The following MAP3K20 variants were observed in gnomAD, a reference collection of about 807,000 sequenced individuals.
MAP3K20 encodes the protein mitogen-activated protein kinase kinase kinase 20.
In MAP3K20, 40 loss-of-function variants were observed where a neutral mutation model predicts 85.7. That is an observed-to-expected ratio of 0.47 (90% CI 0.36 to 0.61). The LOEUF (loss-of-function observed/expected upper bound fraction) is 0.61, where lower values mean the gene tolerates loss of function less well. MAP3K20 is among the 20% of genes least tolerant of loss of function. MAP3K20 has a pLI of 0.00. For missense variants in MAP3K20, 817 were observed against 961.7 expected (o/e 0.85, Z 1.99); for synonymous variants, 325 against 327.7 (o/e 0.99, Z 0.09).
chr2:173,169,394 T>C (rs1689935240), intron 2 of MAP3K20, among the ~76,000 whole-genome samples: 1 of 152,130 alleles, frequency 6.6e-6, no homozygotes, highest in African/African-American at 2.4e-5. Flanking sequence ...CACATATTTG[T>C]TGGGCACATA....
intron 10 of MAP3K20, chr2:173,211,800 G>C (rs1027099592): frequency 6.6e-6 from 1 of 152,288 alleles, no homozygotes; most frequent in Non-Finnish European, 1.5e-5. Context: ...TGTAGTCCCA[G>C]CTACTTGGGA....
At position 173,182,959 on chromosome 2, in the gene MAP3K20, A is replaced by G. The variant is rs1690373101; in HGVS notation, c.349+4A>G. 1.9e-6 allele frequency: 3 copies of G among 1,600,476 alleles called. No individual in the cohort carries two copies. The highest frequency in any genetic ancestry group is 2.6e-6 in the Non-Finnish European group (3 of 1,173,226). On this transcript the variant is annotated splice_donor_region_variant and intron_variant, in intron 4 of 19. Coordinates refer to ENST00000375213, the MANE Select transcript of MAP3K20 (RefSeq NM_016653.3). ...TGGGCCACTGATGTAGCCAAAGGTAATAATATTTGGTATATTCTTATAGAA... is the reference window on the plus strand; with the variant it reads ...TGGGCCACTGATGTAGCCAAAGGTAGTAATATTTGGTATATTCTTATAGAA...
At chr2:173,255,058 G>C (rs1386281151) in intron 16 of MAP3K20, among the ~76,000 whole-genome samples, 1 of 152,146 alleles carries the variant, frequency 6.6e-6, no homozygotes, top group Non-Finnish European at 1.5e-5. Context: ...TCCTTCTGTA[G>C]CTACCTTCTT....
intron 2 of MAP3K20, among the ~76,000 whole-genome samples, chr2:173,117,494 G>A (rs1688158287): frequency 6.6e-6 from 1 of 151,952 alleles, no homozygotes; most frequent in Admixed American, 6.6e-5. Context: ...TGCCCAGGCT[G>A]GTCTCGAACT....
At chr2:173,245,302 C>T (rs1167160379) in intron 16 of MAP3K20, among the ~76,000 whole-genome samples, 2 of 152,086 alleles carry the variant, frequency 1.3e-5, no homozygotes, top group Admixed American at 1.3e-4. Flanking sequence ...TGGATGATGG[C>T]ACAAAGCGAG....
intron 7 of MAP3K20, among the ~76,000 whole-genome samples, chr2:173,195,604 A>G (rs957046578): frequency 6.6e-6 from 1 of 152,212 alleles, no homozygotes; most frequent in Non-Finnish European, 1.5e-5. Context: ...CTTCCTCAGT[A>G]AAGTTACTTT....
chr2:173,256,948 T>C (rs565816801), intron 16 of MAP3K20, among the ~76,000 whole-genome samples: 1 of 152,218 alleles, frequency 6.6e-6, no homozygotes, highest in South Asian at 2.1e-4. Context: ...GCCCAGGAAT[T>C]TGAGACCAGC....
In MAP3K20 at chr2:173,123,100, C is replaced by A. The variant is rs975833859; in HGVS notation, c.159+31910C>A. ...CATGATAAATCCACTACATTCCTAT[C>A]TCCTTAAACCTTTGGATTCCATCCT... On this transcript the variant is annotated intron_variant, in intron 2 of 19. Coordinates refer to ENST00000375213, the MANE Select transcript of MAP3K20 (RefSeq NM_016653.3). 2.0e-5 allele frequency among the ~76,000 whole-genome samples: 3 copies of A among 152,310 alleles called. No homozygotes were observed. The South Asian group carries it at 6.2e-4, about 32-fold the overall frequency.
rs1241328912 is a variant in MAP3K20 at position 173,205,120 on chromosome 2, AAAT to A, written c.744+1253_744+1255del. On this transcript the variant is annotated intron_variant, in intron 9 of 19. Transcript: ENST00000375213. ...TCTGTCTCAAAAAAAAAAAAAAAAAAAATAAATAAATAAAATAAAACATATTCT... is the reference window on the plus strand; with the variant it reads ...TCTGTCTCAAAAAAAAAAAAAAAAAAAAATAAATAAAATAAAACATATTCT... 2.5e-3 allele frequency among the ~76,000 whole-genome samples: 225 copies of A among 90,982 alleles called. 1 individual carries two copies. The highest frequency in any genetic ancestry group is 0.012 in the African/African-American group (192 of 15,836). 59.7% of individuals were successfully genotyped at this position (90,982 alleles called of 152,430 possible).
At position 173,075,986 on chromosome 2, in the gene MAP3K20, C is replaced by T. The variant is rs1202264983; in HGVS notation, c.-51C>T. Reference sequence around the variant, plus strand: ...TCCGCGCCCCCGGCTGCTGCTCACGCCCCGCCCGGGAGCCAGGTAGGGGTC... The same window carrying T: ...TCCGCGCCCCCGGCTGCTGCTCACGTCCCGCCCGGGAGCCAGGTAGGGGTC... On this transcript the variant is annotated 5_prime_UTR_variant, in exon 1 of 20. Transcript: ENST00000375213. 2 of 984,930 alleles carry T rather than the reference C, an allele frequency of 2.0e-6. No individual in the cohort carries two copies. The highest frequency in any genetic ancestry group is 2.4e-6 in the Non-Finnish European group (2 of 829,828). 61.0% of individuals were successfully genotyped at this position (984,930 alleles called of 1,614,324 possible).
intron 8 of MAP3K20, among the ~76,000 whole-genome samples, chr2:173,201,272 A>G (rs949555993): frequency 2.0e-5 from 3 of 152,118 alleles, no homozygotes; most frequent in African/African-American, 7.2e-5. Context: ...AAAGTAAACA[A>G]TGAACCTTTA....
rs1165992739 is a variant in MAP3K20 at position 173,219,807 on chromosome 2, A to G, written c.987+2557A>G. Among the ~76,000 whole-genome samples, 3 of 152,080 alleles carry G rather than the reference A, an allele frequency of 2.0e-5. No individual in the cohort carries two copies. The East Asian group carries it at 5.8e-4, about 29-fold the overall frequency. ...ATTGAGGCCAGGCGCAGTGGCTCAC[A>G]CCTGTAAACCCAGCACTTTGGGAGG... On this transcript the variant is annotated intron_variant, in intron 11 of 19. Transcript: ENST00000375213.
intron 3 of MAP3K20, among the ~76,000 whole-genome samples, chr2:173,170,250 T>G (rs955436608): frequency 7.9e-5 from 12 of 152,214 alleles, no homozygotes; most frequent in Non-Finnish European, 1.3e-4. Context: ...TTTCTTGAGC[T>G]ATTCATGTTG....
Position 173,182,948 on chromosome 2 carries a change from A to G in MAP3K20, c.342A>G (p.Val114=), listed in dbSNP as rs764534614. The part of the protein sequence containing the change: ...MDHIMTWATD[V]AKGMHYLHME... ...ACATTATGACCTGGGCCACTGATGT[A>G]GCCAAAGGTAATAATATTTGGTATA... The change falls in exon 4 of 20, where the codon GTA becomes GTG. Residue 114 remains valine (V), a synonymous_variant. Coordinates refer to ENST00000375213, the MANE Select transcript of MAP3K20 (RefSeq NM_016653.3). 1.2e-6 allele frequency: 2 copies of G among 1,605,260 alleles called. No individual in the cohort carries two copies. The highest frequency in any genetic ancestry group is 2.7e-5 in the African/African-American group (2 of 74,566).
At chr2:173,093,192 T>C (rs1687351910) in intron 2 of MAP3K20, among the ~76,000 whole-genome samples, 1 of 152,226 alleles carries the variant, frequency 6.6e-6, no homozygotes, top group Non-Finnish European at 1.5e-5. Context: ...TTATGCTTTA[T>C]GAAATGTGTG....
chr2:173,174,605 A>G (rs1449349974), intron 3 of MAP3K20, among the ~76,000 whole-genome samples: 1 of 152,156 alleles, frequency 6.6e-6, no homozygotes, highest in Non-Finnish European at 1.5e-5. Flanking sequence ...CCAGTCTATC[A>G]TTGATGGGCA....
intron 9 of MAP3K20, among the ~76,000 whole-genome samples, chr2:173,204,800 AT>A (rs1049903788): frequency 2.2e-4 from 34 of 152,182 alleles, no homozygotes; most frequent in African/African-American, 7.2e-4. Context: ...ATTTTCCATA[AT>A]GAGTTAAAAA....
chr2:173,195,102 G>T (rs1041095701), intron 7 of MAP3K20, among the ~76,000 whole-genome samples: 2 of 149,954 alleles, frequency 1.3e-5, no homozygotes, highest in African/African-American at 2.5e-5. Flanking sequence ...ACCTGGAAGA[G>T]TGTTTAGTAT....
chr2:173,202,065 A>G (rs2106290105), intron 8 of MAP3K20, among the ~76,000 whole-genome samples: 1 of 152,320 alleles, frequency 6.6e-6, no homozygotes, highest in East Asian at 1.9e-4. Flanking sequence ...GAGTACATTC[A>G]AGTGCATAAT....
Sources: allele counts gnomAD v4.1 joint callset (sites outside exome capture counted in the v4.1 genomes callset), GRCh38; gene constraint gnomAD v4.1.1; transcripts MANE v1.5; gene names NCBI Gene and HGNC (gene_info 2026-07-23, HGNC 2026-07-21).